The following HDX variants were observed in gnomAD, a reference collection of about 807,000 sequenced individuals.
HDX encodes chromosome X open reading frame 43.
Under a neutral mutation model 45.2 loss-of-function variants are expected in HDX, and 19 were observed. That is an observed-to-expected ratio of 0.42 (90% CI 0.29 to 0.62). The LOEUF is 0.62. Among genes scored for constraint, HDX ranks in the 20% least tolerant of loss-of-function variants. HDX has a pLI of 0.20. For missense variants in HDX, 532 were observed against 493.9 expected (o/e 1.08, Z -0.73); for synonymous variants, 188 against 172.8 (o/e 1.09, Z -0.69).
chrX:84,501,904 G>A (rs1181678526), intron 1 of HDX, among the ~76,000 whole-genome samples: 1 of 111,738 alleles, frequency 8.9e-6, no homozygotes, highest in Non-Finnish European at 1.9e-5. Context: ...CCCCACCAAG[G>A]TGCTAATGCG....
intron 5 of HDX, among the ~76,000 whole-genome samples, chrX:84,403,654 C>T (rs1036853840): frequency 6.3e-5 from 7 of 111,785 alleles, no homozygotes; most frequent in Admixed American, 3.8e-4. Flanking sequence ...GATTTGTTAA[C>T]CAGCCTAAGT....
intron 5 of HDX, among the ~76,000 whole-genome samples, chrX:84,417,188 G>A (rs866655890): frequency 1.1e-5 from 1 of 88,212 alleles, no homozygotes; most frequent in Non-Finnish European, 2.3e-5. Context: ...GAAAGAAAGA[G>A]AGAGAAAGAA....
At chrX:84,389,980 C>T (rs2038406168) in intron 5 of HDX, among the ~76,000 whole-genome samples, 1 of 111,102 alleles carries the variant, frequency 9.0e-6, no homozygotes, top group African/African-American at 3.3e-5. Context: ...TCTCCAGGGT[C>T]TGAAAGTAGC....
intron 6 of HDX, among the ~76,000 whole-genome samples, chrX:84,346,681 T>C (rs1282268570): frequency 9.0e-6 from 1 of 111,156 alleles, no homozygotes; most frequent in African/African-American, 3.3e-5. Flanking sequence ...TGGATATTCA[T>C]AGGAAAACAA....
intron 5 of HDX, among the ~76,000 whole-genome samples, chrX:84,395,754 T>A (rs1225793639): frequency 8.9e-6 from 1 of 112,063 alleles, no homozygotes; most frequent in African/African-American, 3.2e-5. Context: ...AATGTAGGCT[T>A]TGTTCATCTT....
At chrX:84,449,235 A>C (rs5968325) in intron 4 of HDX, among the ~76,000 whole-genome samples, 1,205 of 111,492 alleles carry the variant, frequency 0.011, 22 homozygotes, top group African/African-American at 0.038. Context: ...TCAAAGCAAT[A>C]AAAAACCTAT....
chrX:84,371,432 G>A (rs148411370), intron 5 of HDX, among the ~76,000 whole-genome samples: 12,092 of 111,495 alleles, frequency 0.11, 627 homozygotes, highest in East Asian at 0.27. Context: ...GAAAAATACA[G>A]GTGCTATGAG....
Position 84,405,588 on chromosome X carries a change from CTT to C in HDX, c.1305+34942_1305+34943del, listed in dbSNP as rs55758874. Among the ~76,000 whole-genome samples the C allele has an allele frequency of 5.3e-3, 308 of 58,171 alleles. 1 individual carries two copies. The highest frequency in any genetic ancestry group is 0.017 in the African/African-American group (271 of 15,906). 50.5% of individuals were successfully genotyped at this position (58,171 alleles called of 115,157 possible). On this transcript the variant is annotated intron_variant, in intron 5 of 10. Transcript: ENST00000373177. ...GTAGCATTGACTACTGGATTTTCTG[CTT>C]TTTTTTTTTTTTTTTTGCTTTTCTA...
intron 1 of HDX, among the ~76,000 whole-genome samples, chrX:84,489,809 G>A (rs2040859671): frequency 1.8e-5 from 2 of 111,162 alleles, no homozygotes; most frequent in African/African-American, 3.3e-5. Flanking sequence ...GTGCTCAAAT[G>A]AGTTGCAAAG....
intron 5 of HDX, among the ~76,000 whole-genome samples, chrX:84,388,896 T>A (rs1036745147): frequency 1.8e-4 from 20 of 111,636 alleles, no homozygotes; most frequent in Non-Finnish European, 3.6e-4. Flanking sequence ...CTGGCTTTTT[T>A]AATTGCCAGA....
intron 4 of HDX, among the ~76,000 whole-genome samples, chrX:84,456,330 G>T (rs754794405): frequency 4.5e-5 from 5 of 110,550 alleles, no homozygotes; most frequent in Non-Finnish European, 7.6e-5. Context: ...TCAAATAATG[G>T]GATATAAGAT....
chrX:84,480,401 G>T (rs904694275), intron 2 of HDX, among the ~76,000 whole-genome samples: 9 of 111,691 alleles, frequency 8.1e-5, no homozygotes, highest in Non-Finnish European at 1.7e-4. Flanking sequence ...AGCTATGAGA[G>T]TAGACATTCT....
intron 2 of HDX, among the ~76,000 whole-genome samples, chrX:84,483,349 A>C (rs1365775167): frequency 1.8e-5 from 2 of 112,345 alleles, no homozygotes; most frequent in South Asian, 3.7e-4. Flanking sequence ...AGACATTTTC[A>C]TACATCCTCT....
chrX:84,489,282 C>T (rs2040851169), intron 1 of HDX, among the ~76,000 whole-genome samples: 1 of 111,718 alleles, frequency 9.0e-6, no homozygotes, highest in South Asian at 3.7e-4. Flanking sequence ...AACCTCTCTA[C>T]CATGTGGACA....
At chrX:84,500,719 A>G (rs1408534370) in intron 1 of HDX, among the ~76,000 whole-genome samples, 1 of 111,533 alleles carries the variant, frequency 9.0e-6, no homozygotes, top group East Asian at 2.8e-4. Context: ...GAGCAAAGAT[A>G]TAAAGGTAGA....
At chrX:84,486,416 C>A (rs1202492571) in intron 2 of HDX, among the ~76,000 whole-genome samples, 1 of 110,617 alleles carries the variant, frequency 9.0e-6, no homozygotes, top group Non-Finnish European at 1.9e-5. Context: ...AAAATAGAAT[C>A]CCATATTTAC....
At chrX:84,436,504 T>C (rs2039639966) in intron 5 of HDX, among the ~76,000 whole-genome samples, 1 of 111,976 alleles carries the variant, frequency 8.9e-6, no homozygotes, top group African/African-American at 3.2e-5. Flanking sequence ...CTGTGACCCA[T>C]AGGTTTTGGT....
chrX:84,468,553 G>T lies in HDX; in HGVS notation c.1170C>A (p.Thr390=). The T allele has an allele frequency of 8.5e-7, 1 of 1,180,734 alleles. No individual in the cohort carries two copies. Among genetic ancestry groups the T allele is most frequent in the South Asian group, 1.8e-5 (1 of 55,990 alleles). The change falls in exon 4 of 11, where the codon ACC becomes ACA. Residue 390 remains threonine, a synonymous_variant. Coordinates refer to ENST00000373177, the MANE Select transcript of HDX (RefSeq NM_001177479.2). The part of the protein sequence containing the change: ...HTASSTMYSN[T]NPLRSNFSPH... ...GAGAAAAATTACTCCGTAATGGATTGGTATTACTGTACATTGTACTAGATG... is the reference window on the plus strand; with the variant it reads ...GAGAAAAATTACTCCGTAATGGATTTGTATTACTGTACATTGTACTAGATG...
chrX:84,412,657 T>C (rs2039014979), intron 5 of HDX, among the ~76,000 whole-genome samples: 1 of 111,305 alleles, frequency 9.0e-6, no homozygotes, highest in Admixed American at 9.6e-5. Flanking sequence ...TTTGGGATGG[T>C]CATCTTGTAT....
Sources: allele counts gnomAD v4.1 joint callset (sites outside exome capture counted in the v4.1 genomes callset), GRCh38; gene constraint gnomAD v4.1.1; transcripts MANE v1.5; gene names NCBI Gene and HGNC (gene_info 2026-07-23, HGNC 2026-07-21).